The following GPD2 variants were observed in gnomAD, a reference collection of about 807,000 sequenced individuals.
The protein encoded by GPD2 is glycerol-3-phosphate dehydrogenase 2.
GPD2 carries 54 observed loss-of-function variants against 82.4 expected under a neutral mutation model. The ratio of observed to expected loss-of-function variants is 0.66; its 90% CI spans 0.53 to 0.82. The LOEUF (loss-of-function observed/expected upper bound fraction) is 0.82. Among genes scored for constraint, GPD2 ranks in the 40% least tolerant of loss-of-function variants. GPD2 has a pLI of 0.00. For missense variants in GPD2, 748 were observed against 896.2 expected (o/e 0.83, Z 2.11); for synonymous variants, 288 against 306.1 (o/e 0.94, Z 0.62).
chr2:156,553,425 A>G (rs1686839284), intron 8 of GPD2, among the ~76,000 whole-genome samples: 1 of 152,166 alleles, frequency 6.6e-6, no homozygotes, highest in African/African-American at 2.4e-5. Flanking sequence ...AGATTTTTTA[A>G]TATAGAGAAT....
chr2:156,511,633 A>G (rs1685001241), intron 4 of GPD2, among the ~76,000 whole-genome samples: 1 of 152,208 alleles, frequency 6.6e-6, no homozygotes, highest in South Asian at 2.1e-4. Flanking sequence ...AGGATTTAGA[A>G]TCAGCTAACT....
At chr2:156,437,453 AC>A (rs1478545486) in intron 1 of GPD2, among the ~76,000 whole-genome samples, 1 of 152,218 alleles carries the variant, frequency 6.6e-6, no homozygotes, top group Non-Finnish European at 1.5e-5. Flanking sequence ...GCTGGCTACC[AC>A]ATGACATCTG....
chr2:156,402,154 T>C, the GPD2 span, among the ~76,000 whole-genome samples: 1 of 152,244 alleles, frequency 6.6e-6, no homozygotes, highest in South Asian at 2.1e-4. Flanking sequence ...TGTTCAGTGT[T>C]GGAGTGCTTA....
At chr2:156,511,413 G>A (rs1292726280) in intron 4 of GPD2, among the ~76,000 whole-genome samples, 1 of 152,174 alleles carries the variant, frequency 6.6e-6, no homozygotes, top group Non-Finnish European at 1.5e-5. Flanking sequence ...TTTGAAAACT[G>A]CCAAGGCAGT....
rs60361072 is a variant in GPD2, at chr2:156,509,765, C to CTTTTTTTTTTTTTTTTTTTTT, written c.275-1012_275-1011insTTTTTTTTTTTTTTTTTTTTT. 9.4e-5 allele frequency among the ~76,000 whole-genome samples: 11 copies of CTTTTTTTTTTTTTTTTTTTTT among 117,382 alleles called. 1 individual carries two copies. Among genetic ancestry groups the CTTTTTTTTTTTTTTTTTTTTT allele is most frequent in the Non-Finnish European group, 1.3e-4 (8 of 59,690 alleles). The allele number at this position is 117,382 out of a possible 152,430, so 77.0% of individuals were successfully genotyped here. ...CTTTCCTTATCAAGAATATGTTCTT[C>CTTTTTTTTTTTTTTTTTTTTT]TTTTTTTTTTTTTTTTTTTATTTCC... On this transcript the variant is annotated intron_variant, in intron 3 of 16. Transcript: ENST00000438166.
chr2:156,503,044 C>A (rs297591), intron 3 of GPD2, among the ~76,000 whole-genome samples: 101,490 of 151,918 alleles, frequency 0.67, 34,264 homozygotes, highest in Middle Eastern at 0.81. Flanking sequence ...CCAAAAGACT[C>A]CTGCCCTTGT....
intron 2 of GPD2, among the ~76,000 whole-genome samples, chr2:156,492,890 A>G (rs1684235321): frequency 6.6e-6 from 1 of 152,194 alleles, no homozygotes; most frequent in Non-Finnish European, 1.5e-5. Context: ...ACAGAGAAAA[A>G]GGTTTGAGAA....
rs1682331836 is a variant in GPD2 at position 156,445,299 on chromosome 2, CT to C, written c.-9+8787del. ...TGGTTATTTTCTGGTATGGCAGAAACTCCCTTAAAAACTGTTTTAAAAACAA... is the reference window on the plus strand; with the variant it reads ...TGGTTATTTTCTGGTATGGCAGAAACCCCTTAAAAACTGTTTTAAAAACAA... On this transcript the variant is annotated intron_variant, in intron 1 of 16. Coordinates refer to ENST00000438166, the MANE Select transcript of GPD2 (RefSeq NM_000408.5). Among the ~76,000 whole-genome samples, 3 of 152,176 alleles carry C rather than the reference CT, an allele frequency of 2.0e-5. No individual in the cohort carries two copies. The East Asian group carries it at 5.8e-4, about 29-fold the overall frequency.
chr2:156,565,629 C>T (rs1484336177), intron 9 of GPD2, among the ~76,000 whole-genome samples: 4 of 152,126 alleles, frequency 2.6e-5, no homozygotes, highest in Admixed American at 6.6e-5. Flanking sequence ...TTTGATTAAA[C>T]ATCCTGTAGA....
In GPD2 at chr2:156,496,082, A is replaced by G; in HGVS notation, c.141A>G (p.Ser47=). Residue 47 remains serine, a synonymous_variant, in exon 3 of 17, where the codon TCA becomes TCG. Coordinates refer to ENST00000438166, the MANE Select transcript of GPD2 (RefSeq NM_000408.5). ...ATGTTAAAGCAGCAGACTGCATTTC[A>G]GAACCAGTTAACAGGGAGCCTCCTT... The part of the protein sequence containing the change: ...LAYVKAADCI[S]EPVNREPPSR... The G allele has an allele frequency of 6.2e-7, 1 of 1,613,368 alleles. No individual in the cohort carries two copies. Among genetic ancestry groups the G allele is most frequent in the Non-Finnish European group, 8.5e-7 (1 of 1,179,376 alleles).
chr2:156,502,862 A>ATT (rs5835616), intron 3 of GPD2, among the ~76,000 whole-genome samples: 5 of 151,590 alleles, frequency 3.3e-5, no homozygotes, highest in East Asian at 1.9e-4. Flanking sequence ...ATCCATTTAC[A>ATT]TTTTTTTTAT....
chr2:156,571,014 A>G, intron 12 of GPD2, 120 bp from the exon 13 acceptor site: 1 of 763,012 alleles, frequency 1.3e-6, no homozygotes, highest in South Asian at 1.4e-5. Context: ...GGAGGACCAG[A>G]GAGTATAAAG....
intron 1 of GPD2, among the ~76,000 whole-genome samples, chr2:156,473,042 C>G (rs1269952645): frequency 1.3e-5 from 2 of 152,142 alleles, no homozygotes; most frequent in Admixed American, 6.5e-5. Flanking sequence ...TTGTAACATT[C>G]ATAACAATAA....
intron 15 of GPD2, 29 bp from the exon 16 acceptor site, chr2:156,579,661 G>A: frequency 3.8e-6 from 4 of 1,050,474 alleles, no homozygotes; most frequent in Non-Finnish European, 6.0e-6. Flanking sequence ...TAATCAAACT[G>A]TATTATTCTA....
At chr2:156,437,894 T>C (rs1398895831) in intron 1 of GPD2, among the ~76,000 whole-genome samples, 1 of 152,208 alleles carries the variant, frequency 6.6e-6, no homozygotes, top group East Asian at 1.9e-4. Context: ...ATTGTAGATA[T>C]TTTAAAAGAT....
At chr2:156,445,161 C>G (rs181454381) in intron 1 of GPD2, among the ~76,000 whole-genome samples, 110 of 152,288 alleles carry the variant, frequency 7.2e-4, no homozygotes, top group East Asian at 4.0e-3. Flanking sequence ...TTGCCATTTT[C>G]TAGGCACTGT....
At chr2:156,468,284 T>C (rs1477541044) in intron 1 of GPD2, among the ~76,000 whole-genome samples, 1 of 152,188 alleles carries the variant, frequency 6.6e-6, no homozygotes, top group East Asian at 1.9e-4. Context: ...AAGCTATCCA[T>C]GATTACAGAC....
chr2:156,536,805 G>T (rs1010000046), intron 6 of GPD2, among the ~76,000 whole-genome samples: 1 of 152,194 alleles, frequency 6.6e-6, no homozygotes, highest in Non-Finnish European at 1.5e-5. Flanking sequence ...TCATCAGTAC[G>T]TGGGATCTGA....
At chr2:156,554,914 T>A (rs561442058) in intron 8 of GPD2, among the ~76,000 whole-genome samples, 1 of 152,342 alleles carries the variant, frequency 6.6e-6, no homozygotes, top group South Asian at 2.1e-4. Context: ...GAGAAAAATA[T>A]TCATTACATT....
Sources: gnomAD v4.1 joint callset for allele counts (sites outside exome capture counted in the v4.1 genomes callset) on GRCh38, gnomAD v4.1.1 for gene constraint, MANE v1.5 for transcripts, NCBI Gene and HGNC (gene_info 2026-07-23, HGNC 2026-07-21) for gene names.